Variants in TRMT6 observed in about 807,000 individuals in gnomAD.
TRMT6 encodes tRNA methyltransferase 6 non-catalytic subunit.
A neutral mutation model predicts 59.0 loss-of-function variants in TRMT6; 34 were observed. That is an observed-to-expected ratio of 0.58 (90% CI 0.44 to 0.77). TRMT6 has a LOEUF of 0.77. TRMT6 is among the 30% of genes least tolerant of loss of function. The pLI is 0.00. For synonymous variants in TRMT6, 217 were observed against 210.5 expected (o/e 1.03, Z -0.27); for missense variants, 575 against 604.5 (o/e 0.95, Z 0.51).
Position 5,943,665 on chromosome 20 carries a change from T to C in TRMT6, c.561A>G (p.Thr187=). ...TTCCCAACGTCAACATCTGGGCTAG[T>C]GTATCGTATCTCATGTGGCTAAAGT... ...PGKINHMRYD[T]LAQMLTLGNI... The change falls in exon 6 of 11, where the codon ACA becomes ACG. Residue 187 remains threonine, a synonymous_variant. Coordinates refer to ENST00000203001, the MANE Select transcript of TRMT6 (RefSeq NM_015939.5). The C allele has an allele frequency of 6.2e-7, 1 of 1,614,208 alleles. No individual in the cohort carries two copies. The highest frequency in any genetic ancestry group is 1.1e-5 in the South Asian group (1 of 91,076).
chr20:5,944,979 A>G (rs1600225139), intron 2 of TRMT6, 65 bp from the exon 3 acceptor site: 1 of 1,310,414 alleles, frequency 7.6e-7, no homozygotes, highest in Non-Finnish European at 1.1e-6. Context: ...TCTTTTTCTG[A>G]GTTCATATCC....
At chr20:5,943,895 T>C (rs2088681609) in intron 5 of TRMT6, 53 bp downstream of exon 5, 1 of 1,579,680 alleles carries the variant, frequency 6.3e-7, no homozygotes, top group East Asian at 2.2e-5. Context: ...AATCATGACT[T>C]TCTTAAAGAC....
chr20:5,941,481 A>G, intron 8 of TRMT6, 136 bp from the exon 9 acceptor site: 2 of 687,392 alleles, frequency 2.9e-6, no homozygotes, highest in Non-Finnish European at 4.9e-6. Flanking sequence ...AACATTCTAG[A>G]AATCCAAAAC....
intron 3 of TRMT6, 77 bp downstream of exon 3, chr20:5,944,728 C>T: frequency 9.5e-7 from 1 of 1,053,662 alleles, no homozygotes; most frequent in Non-Finnish European, 1.4e-6. Context: ...ACCTTAGGTA[C>T]AGTCTGCTTT....
chr20:5,941,813 T>G, intron 8 of TRMT6, 138 bp downstream of exon 8: 1 of 747,758 alleles, frequency 1.3e-6, no homozygotes, highest in South Asian at 1.9e-5. Context: ...CCTCCTTTCT[T>G]TAAAAAAACC....
At chr20:5,948,164 A>T (rs2088724173) in intron 1 of TRMT6, among the ~76,000 whole-genome samples, 1 of 152,114 alleles carries the variant, frequency 6.6e-6, no homozygotes, top group Admixed American at 6.5e-5. Flanking sequence ...ACTGGATCTG[A>T]GATGGGTGGG....
intron 10 of TRMT6, among the ~76,000 whole-genome samples, chr20:5,940,419 T>A (rs1314727892): frequency 1.3e-5 from 2 of 152,174 alleles, no homozygotes; most frequent in Non-Finnish European, 2.9e-5. Context: ...AATTACATCA[T>A]CCACAGTGAT....
At chr20:5,938,888 T>C (rs1295968566) in intron 10 of TRMT6, among the ~76,000 whole-genome samples, 162 bp from the exon 11 acceptor site, 2 of 139,310 alleles carry the variant, frequency 1.4e-5, no homozygotes, top group South Asian at 2.7e-4. Flanking sequence ...CCTCCCTCTC[T>C]CCCTTCCTTC....
chr20:5,946,168 G>A (rs746145465), intron 2 of TRMT6, among the ~76,000 whole-genome samples: 18 of 152,206 alleles, frequency 1.2e-4, no homozygotes, highest in Non-Finnish European at 2.2e-4. Context: ...ACGACTCATA[G>A]GATTAAATGC....
At chr20:5,938,752 T>G (rs188083814) in intron 10 of TRMT6, 26 bp from the exon 11 acceptor site, 1 of 1,606,452 alleles carries the variant, frequency 6.2e-7, no homozygotes, top group Non-Finnish European at 8.5e-7. Context: ...AAGACATTCA[T>G]GCTTTCCTAA....
chr20:5,940,924 G>A, intron 10 of TRMT6, 129 bp downstream of exon 10: 1 of 760,594 alleles, frequency 1.3e-6, no homozygotes, highest in Non-Finnish European at 2.3e-6. Flanking sequence ...GCCTCCCAAA[G>A]TGCTGGGATT....
At chr20:5,942,393 A>T (rs368962840) in intron 7 of TRMT6, 35 bp downstream of exon 7, 7 of 1,575,390 alleles carry the variant, frequency 4.4e-6, no homozygotes, top group Non-Finnish European at 6.1e-6. Flanking sequence ...AGGGACTGAG[A>T]TTATGGGGGT....
chr20:5,939,014 T>C (rs981164988), intron 10 of TRMT6, among the ~76,000 whole-genome samples: 5 of 151,998 alleles, frequency 3.3e-5, no homozygotes, highest in Middle Eastern at 3.4e-3. Flanking sequence ...TTTGGCTCAC[T>C]GTAACCTCGA....
intron 1 of TRMT6, among the ~76,000 whole-genome samples, chr20:5,947,980 G>T (rs2088722168): frequency 6.6e-6 from 1 of 152,200 alleles, no homozygotes; most frequent in Admixed American, 6.5e-5. Context: ...GAATTCAGGA[G>T]TTTCTCTACA....
chr20:5,948,033 T>C (rs557300665), intron 1 of TRMT6, among the ~76,000 whole-genome samples: 3 of 152,084 alleles, frequency 2.0e-5, no homozygotes, highest in East Asian at 3.9e-4. Flanking sequence ...AGGTGGAAGA[T>C]TGCTTGAGCC....
chr20:5,950,415 C>T lies in TRMT6; in HGVS notation c.-10G>A, dbSNP rs779423060. 6.4e-7 allele frequency: 1 copy of T among 1,573,744 alleles called. No homozygotes were observed. Among genetic ancestry groups the T allele is most frequent in the Non-Finnish European group, 8.6e-7 (1 of 1,163,524 alleles). On this transcript the variant is annotated 5_prime_UTR_variant, in exon 1 of 11. Coordinates refer to ENST00000203001, the MANE Select transcript of TRMT6 (RefSeq NM_015939.5). ...CCCCTGAGCCCTCCATGACGCTCAG[C>T]CGGTCGCCGTGCTCCACGGCGTCCC...
intron 10 of TRMT6, among the ~76,000 whole-genome samples, chr20:5,939,470 ACT>A (rs1317839870): frequency 2.7e-5 from 4 of 148,178 alleles, no homozygotes; most frequent in African/African-American, 1.0e-4. Flanking sequence ...ACAGAGCGAG[ACT>A]CTGTCTCAAA....
At chr20:5,943,305 G>C (rs544238600) in intron 6 of TRMT6, among the ~76,000 whole-genome samples, 1 of 152,176 alleles carries the variant, frequency 6.6e-6, no homozygotes, top group Admixed American at 6.5e-5. Flanking sequence ...CCAGCCACAG[G>C]CTCCAGCATC....
intron 10 of TRMT6, among the ~76,000 whole-genome samples, chr20:5,940,521 G>C (rs1398097158): frequency 6.6e-6 from 1 of 152,128 alleles, no homozygotes; most frequent in Non-Finnish European, 1.5e-5. Flanking sequence ...GACATAACAA[G>C]AGAAAAAAAG....
Sources: allele counts gnomAD v4.1 joint callset (sites outside exome capture counted in the v4.1 genomes callset), GRCh38; gene constraint gnomAD v4.1.1; transcripts MANE v1.5; gene names NCBI Gene and HGNC (gene_info 2026-07-23, HGNC 2026-07-21).